PLEKHH2: variants seen among roughly 807,000 people sequenced by gnomAD.
PLEKHH2 encodes the protein pleckstrin homology domain-containing family H member 2.
Under a neutral mutation model 187.9 loss-of-function variants are expected in PLEKHH2, and 129 were observed. The ratio of observed to expected loss-of-function variants is 0.69; its 90% CI spans 0.59 to 0.79. The LOEUF (loss-of-function observed/expected upper bound fraction) is 0.79. Ranked by LOEUF, PLEKHH2 falls within the 30% of genes least tolerant of loss-of-function variation. The pLI, the probability that PLEKHH2 is intolerant of heterozygous loss-of-function variation, is 0.00. For synonymous variants in PLEKHH2, 686 were observed against 605.6 expected (o/e 1.13, Z -1.95); for missense variants, 2,076 against 1,751.2 (o/e 1.19, Z -3.31).
intron 2 of PLEKHH2, chr2:43,675,447 C>G (rs1667699493): frequency 6.2e-7 from 1 of 1,612,722 alleles, no homozygotes; most frequent in African/African-American, 1.3e-5. Flanking sequence ...ATGCCCTGAG[C>G]CGGTACAGGC....
At chr2:43,646,871 GA>G (rs2104334158) in intron 2 of PLEKHH2, among the ~76,000 whole-genome samples, 1 of 150,320 alleles carries the variant, frequency 6.7e-6, no homozygotes, top group Non-Finnish European at 1.5e-5. Context: ...TTCTTTGGCA[GA>G]TCTAAGAGAT....
At chr2:43,731,651 G>A (rs764800454) in intron 19 of PLEKHH2, 49 bp downstream of exon 19, 5 of 1,174,030 alleles carry the variant, frequency 4.3e-6, no homozygotes, top group South Asian at 1.9e-5. Context: ...ATACTTATAT[G>A]TTGTTAAATA....
intron 6 of PLEKHH2, 101 bp from the exon 7 acceptor site, chr2:43,697,070 G>A (rs1223050112): frequency 4.2e-6 from 4 of 944,878 alleles, no homozygotes; most frequent in Admixed American, 2.8e-5. Context: ...TTTTTTTCTG[G>A]CATAAAGAGT....
chr2:43,762,445 T>G, intron 28 of PLEKHH2, 55 bp downstream of exon 28: 1 of 1,307,656 alleles, frequency 7.6e-7, no homozygotes, highest in Non-Finnish European at 1.1e-6. Context: ...TTGCTCAGTG[T>G]ACCGTAAACA....
At chr2:43,764,636 G>A (rs1248455475) in intron 29 of PLEKHH2, among the ~76,000 whole-genome samples, 1 of 152,122 alleles carries the variant, frequency 6.6e-6, no homozygotes, top group East Asian at 1.9e-4. Flanking sequence ...GAAGTTTGTA[G>A]GGTACTTAGC....
chr2:43,746,615 G>A (rs1208787071), intron 24 of PLEKHH2, among the ~76,000 whole-genome samples: 1 of 152,098 alleles, frequency 6.6e-6, no homozygotes, highest in African/African-American at 2.4e-5. Context: ...ATACAAGGAT[G>A]CATTTTTCAC....
At chr2:43,697,104 C>T in intron 6 of PLEKHH2, 67 bp from the exon 7 acceptor site, 1 of 1,332,532 alleles carries the variant, frequency 7.5e-7, no homozygotes, top group Non-Finnish European at 1.0e-6. Flanking sequence ...TTTTATATGC[C>T]TTGGTTCTAT....
chr2:43,723,453 G>A (rs1487771479), intron 16 of PLEKHH2, among the ~76,000 whole-genome samples: 1 of 152,020 alleles, frequency 6.6e-6, no homozygotes, highest in Non-Finnish European at 1.5e-5. Context: ...TTGGGCTGGG[G>A]TAGTTACTTG....
At chr2:43,728,836 A>C (rs989671987) in intron 17 of PLEKHH2, among the ~76,000 whole-genome samples, 1 of 152,156 alleles carries the variant, frequency 6.6e-6, no homozygotes, top group African/African-American at 2.4e-5. Context: ...TGCTGGGATT[A>C]CAGGCATGAG....
chr2:43,754,205 C>CACAAAA (rs1553353833), intron 25 of PLEKHH2, among the ~76,000 whole-genome samples: 26 of 143,180 alleles, frequency 1.8e-4, no homozygotes, highest in South Asian at 1.1e-3. Flanking sequence ...CACACACACA[C>CACAAAA]AAAATTAATA....
intron 1 of PLEKHH2, among the ~76,000 whole-genome samples, chr2:43,638,045 A>T (rs1262784391): frequency 4.6e-5 from 7 of 152,316 alleles, no homozygotes. Flanking sequence ...CCTGAGGGTC[A>T]CTGCTTTCTT....
intron 2 of PLEKHH2, chr2:43,658,735 G>A (rs1234293411): frequency 2.0e-5 from 3 of 152,192 alleles, no homozygotes; most frequent in Non-Finnish European, 4.4e-5. Context: ...AGAATGCAAG[G>A]TGGAAGATGC....
intron 2 of PLEKHH2, among the ~76,000 whole-genome samples, chr2:43,647,850 T>A (rs1666258030): frequency 6.6e-6 from 1 of 152,166 alleles, no homozygotes; most frequent in South Asian, 2.1e-4. Context: ...CAACTTCTCT[T>A]TCCTGCAACA....
intron 29 of PLEKHH2, 105 bp from the exon 30 acceptor site, chr2:43,765,308 C>T: frequency 9.6e-7 from 1 of 1,037,534 alleles, no homozygotes; most frequent in East Asian, 2.5e-5. Flanking sequence ...ATTCTGGTAG[C>T]CTGGGCACTT....
intron 24 of PLEKHH2, among the ~76,000 whole-genome samples, chr2:43,752,210 C>T (rs1348496376): frequency 6.6e-6 from 1 of 152,148 alleles, no homozygotes; most frequent in Non-Finnish European, 1.5e-5. Flanking sequence ...CTTAAATTTT[C>T]TTCTCTTTGT....
At chr2:43,703,931 TTTTTTTTTTTG>T in intron 8 of PLEKHH2, 39 bp from the exon 9 acceptor site, 1 of 645,940 alleles carries the variant, frequency 1.5e-6, no homozygotes, top group Non-Finnish European at 2.4e-6. Flanking sequence ...TTTTTTTTTT[TTTTTTTTTTTG>T]CTTTAAATAC....
chr2:43,686,791 A>G (rs1020183352), intron 3 of PLEKHH2, among the ~76,000 whole-genome samples: 2 of 152,210 alleles, frequency 1.3e-5, no homozygotes, highest in Non-Finnish European at 1.5e-5. Flanking sequence ...ATAACATGTC[A>G]GTAAATTTTG....
chr2:43,747,624 T>C (rs1037747536), intron 24 of PLEKHH2, among the ~76,000 whole-genome samples: 3 of 152,218 alleles, frequency 2.0e-5, no homozygotes, highest in African/African-American at 7.2e-5. Flanking sequence ...ATTTCTTTCA[T>C]GTATTAGCAA....
chr2:43,765,350 A>G, intron 29 of PLEKHH2, 63 bp from the exon 30 acceptor site: 1 of 1,516,294 alleles, frequency 6.6e-7, no homozygotes, highest in Non-Finnish European at 9.0e-7. Flanking sequence ...CCAACACTTT[A>G]CTCTCTTCTG....
Sources: gnomAD v4.1 joint callset for allele counts (sites outside exome capture counted in the v4.1 genomes callset) on GRCh38, gnomAD v4.1.1 for gene constraint, MANE v1.5 for transcripts, NCBI Gene and HGNC (gene_info 2026-07-23, HGNC 2026-07-21) for gene names.